The following SKAP1 variants were observed in gnomAD, a reference collection of about 807,000 sequenced individuals.
SKAP1 encodes src kinase associated phosphoprotein 1, also known as src kinase-associated phosphoprotein 1.
In SKAP1, 44 loss-of-function variants were observed where a neutral mutation model predicts 58.5. That is an observed-to-expected ratio of 0.75 (90% CI 0.59 to 0.97). SKAP1 has a LOEUF of 0.97. Ranked by LOEUF, SKAP1 falls within the 50% of genes least tolerant of loss-of-function variation. The pLI is 0.00. For synonymous variants in SKAP1, 127 were observed against 149.7 expected (o/e 0.85, Z 1.11); for missense variants, 390 against 435.2 (o/e 0.90, Z 0.92).
At chr17:48,176,288 C>T (rs2064289065) in intron 9 of SKAP1, among the ~76,000 whole-genome samples, 1 of 152,182 alleles carries the variant, frequency 6.6e-6, no homozygotes, top group African/African-American at 2.4e-5. Flanking sequence ...GTTGCCATTG[C>T]AGCTGCTACA....
chr17:48,280,124 T>G (rs895467758), intron 4 of SKAP1, among the ~76,000 whole-genome samples: 1 of 152,192 alleles, frequency 6.6e-6, no homozygotes, highest in Non-Finnish European at 1.5e-5. Flanking sequence ...CTGGAAAACA[T>G]ATTTTGTATG....
At chr17:48,316,134 A>G (rs187170909) in intron 4 of SKAP1, among the ~76,000 whole-genome samples, 2 of 152,316 alleles carry the variant, frequency 1.3e-5, no homozygotes, top group East Asian at 3.9e-4. Context: ...TGTAAGTTAT[A>G]TTATGCCAGT....
intron 10 of SKAP1, among the ~76,000 whole-genome samples, chr17:48,170,166 T>C (rs960247841): frequency 6.6e-6 from 1 of 152,226 alleles, no homozygotes; most frequent in Non-Finnish European, 1.5e-5. Context: ...AGGAATTTTA[T>C]CTTTCACCCT....
At chr17:48,176,934 G>A (rs1286893990) in intron 9 of SKAP1, among the ~76,000 whole-genome samples, 1 of 152,174 alleles carries the variant, frequency 6.6e-6, no homozygotes, top group Non-Finnish European at 1.5e-5. Context: ...GGGCTTGTGT[G>A]GGCCCCATCC....
intron 11 of SKAP1, among the ~76,000 whole-genome samples, chr17:48,152,326 T>A (rs2063911174): frequency 6.6e-6 from 1 of 152,196 alleles, no homozygotes; most frequent in Admixed American, 6.5e-5. Context: ...GAGAGCTGAA[T>A]CACGCAATAC....
chr17:48,141,228 C>T (rs908575687), intron 11 of SKAP1, among the ~76,000 whole-genome samples: 4 of 152,138 alleles, frequency 2.6e-5, no homozygotes, highest in African/African-American at 4.8e-5. Context: ...ACTACAGAAA[C>T]AGTCTCCAAG....
At chr17:48,440,056 G>T in the SKAP1 span, among the ~76,000 whole-genome samples, 2 of 152,146 alleles carry the variant, frequency 1.3e-5, no homozygotes, top group South Asian at 2.1e-4. Context: ...GAGAGCAATT[G>T]CCCCTGGCAG....
intron 6 of SKAP1, chr17:48,186,034 T>G (rs893689653): frequency 6.6e-6 from 1 of 152,086 alleles, no homozygotes; most frequent in African/African-American, 2.4e-5. Flanking sequence ...TATGGAAGAT[T>G]CTGAATGAAC....
chr17:48,309,799 C>T (rs531596140), intron 4 of SKAP1, among the ~76,000 whole-genome samples: 1 of 152,170 alleles, frequency 6.6e-6, no homozygotes, highest in Admixed American at 6.5e-5. Context: ...GCCTAGTAGA[C>T]AAATGCTAGT....
chr17:48,260,389 T>C (rs1224132282), intron 4 of SKAP1, among the ~76,000 whole-genome samples: 2 of 152,180 alleles, frequency 1.3e-5, no homozygotes, highest in East Asian at 3.8e-4. Context: ...CAAGAGGCTA[T>C]TAAACAATGT....
chr17:48,369,114 C>G (rs2067049888), intron 2 of SKAP1, among the ~76,000 whole-genome samples: 1 of 151,064 alleles, frequency 6.6e-6, no homozygotes, highest in Admixed American at 6.6e-5. Context: ...GCCATGCACT[C>G]CAGCCTTGGC....
chr17:48,262,065 A>C (rs563893901), intron 4 of SKAP1, among the ~76,000 whole-genome samples: 1 of 152,202 alleles, frequency 6.6e-6, no homozygotes, highest in South Asian at 2.1e-4. Context: ...ACATATTGAG[A>C]CATGAATGCT....
intron 11 of SKAP1, among the ~76,000 whole-genome samples, chr17:48,157,481 C>T (rs1161300291): frequency 9.7e-5 from 14 of 144,956 alleles, no homozygotes; most frequent in African/African-American, 3.1e-4. Context: ...GTGATCTGCC[C>T]GCCTCGGCCT....
intron 4 of SKAP1, among the ~76,000 whole-genome samples, chr17:48,247,248 T>C (rs1054125135): frequency 2.0e-5 from 3 of 152,180 alleles, no homozygotes; most frequent in Non-Finnish European, 2.9e-5. Context: ...TCACATTCCA[T>C]TGGGAAGACC....
intron 4 of SKAP1, among the ~76,000 whole-genome samples, chr17:48,246,284 T>C (rs2065295611): frequency 6.6e-6 from 1 of 152,238 alleles, no homozygotes; most frequent in African/African-American, 2.4e-5. Context: ...TTACCTTTAC[T>C]GTCTCCTCTC....
At chr17:48,212,552 A>G (rs895770484) in intron 4 of SKAP1, among the ~76,000 whole-genome samples, 6 of 152,228 alleles carry the variant, frequency 3.9e-5, no homozygotes, top group Non-Finnish European at 8.8e-5. Context: ...AGATGTGCTT[A>G]AAAAGATTCT....
chr17:48,282,581 C>G (rs1288899433), intron 4 of SKAP1, among the ~76,000 whole-genome samples: 3 of 152,062 alleles, frequency 2.0e-5, no homozygotes, highest in Admixed American at 6.5e-5. Context: ...CAAGACCAGC[C>G]TGGGCAACAT....
At chr17:48,419,937 A>G (rs2067775445) in intron 1 of SKAP1, among the ~76,000 whole-genome samples, 1 of 152,202 alleles carries the variant, frequency 6.6e-6, no homozygotes, top group African/African-American at 2.4e-5. Flanking sequence ...TCTGGATGGT[A>G]AGACCACTCT....
chr17:48,236,407 G>A (rs1249620827), intron 4 of SKAP1, among the ~76,000 whole-genome samples: 2 of 152,064 alleles, frequency 1.3e-5, no homozygotes, highest in African/African-American at 4.8e-5. Context: ...ACTATTATTG[G>A]AATATACACT....
Sources: gnomAD v4.1 joint callset for allele counts (sites outside exome capture counted in the v4.1 genomes callset) on GRCh38, gnomAD v4.1.1 for gene constraint, MANE v1.5 for transcripts, NCBI Gene and HGNC (gene_info 2026-07-23, HGNC 2026-07-21) for gene names.